CDH13: variants seen among roughly 807,000 people sequenced by gnomAD.
The protein encoded by CDH13 is cadherin-13.
In CDH13, 24 loss-of-function variants were observed where a neutral mutation model predicts 63.8. That is an observed-to-expected ratio of 0.38 (90% confidence interval 0.27 to 0.53). The LOEUF is 0.53. Among genes scored for constraint, CDH13 ranks in the 20% least tolerant of loss-of-function variants. The pLI is 0.85. For synonymous variants in CDH13, 503 were observed against 355.3 expected, an observed-to-expected ratio of 1.42 and a Z score of -4.67; for missense variants, 1,049 against 903.1, an observed-to-expected ratio of 1.16 and a Z score of -2.07.
chr16:82,757,012 T>A (rs2077951104), intron 1 of CDH13, among the ~76,000 whole-genome samples: 1 of 152,194 alleles, frequency 6.6e-6, no homozygotes, highest in South Asian at 2.1e-4. Context: ...TTTTCCTCTT[T>A]CTTTGCCTGG....
chr16:83,166,737 T>G (rs950335737), intron 4 of CDH13, among the ~76,000 whole-genome samples: 1 of 152,192 alleles, frequency 6.6e-6, no homozygotes, highest in African/African-American at 2.4e-5. Flanking sequence ...TTTGTGTTGA[T>G]AAAATACTAT....
At chr16:83,398,955 C>G (rs577633629) in intron 6 of CDH13, among the ~76,000 whole-genome samples, 1 of 152,198 alleles carries the variant, frequency 6.6e-6, no homozygotes, top group African/African-American at 2.4e-5. Flanking sequence ...TCTTTATGTT[C>G]AGTCCATAAT....
chr16:83,368,675 A>C (rs1319110185), intron 6 of CDH13, among the ~76,000 whole-genome samples: 1 of 150,380 alleles, frequency 6.6e-6, no homozygotes, highest in Non-Finnish European at 1.5e-5. Context: ...GCCATGCCCA[A>C]CCCTTTCCCC....
At chr16:83,449,804 C>T (rs916089895) in intron 6 of CDH13, among the ~76,000 whole-genome samples, 20 of 152,160 alleles carry the variant, frequency 1.3e-4, no homozygotes, top group Admixed American at 3.3e-4. Context: ...AACGCTGGGA[C>T]GTACTCTGCT....
At chr16:83,411,887 C>T (rs765317395) in intron 6 of CDH13, among the ~76,000 whole-genome samples, 7 of 152,144 alleles carry the variant, frequency 4.6e-5, no homozygotes, top group Non-Finnish European at 1.0e-4. Context: ...TAGTAACATC[C>T]CACATTACAG....
intron 7 of CDH13, among the ~76,000 whole-genome samples, chr16:83,487,018 G>T (rs1487381229): frequency 6.6e-6 from 1 of 152,106 alleles, no homozygotes; most frequent in East Asian, 1.9e-4. Flanking sequence ...AGGAGAGGTG[G>T]CTTCATCCAA....
intron 3 of CDH13, among the ~76,000 whole-genome samples, chr16:83,098,059 T>C (rs2034292907): frequency 1.3e-5 from 2 of 152,142 alleles, no homozygotes; most frequent in Admixed American, 6.5e-5. Flanking sequence ...ACTATTGGGA[T>C]GGTCCAGATA....
intron 2 of CDH13, among the ~76,000 whole-genome samples, chr16:82,863,919 T>G (rs1465863849): frequency 6.6e-6 from 1 of 152,224 alleles, no homozygotes; most frequent in Non-Finnish European, 1.5e-5. Context: ...TGGTATGAAT[T>G]TTTTAAAAGT....
At chr16:83,498,911 A>G (rs1456425741) in intron 7 of CDH13, among the ~76,000 whole-genome samples, 2 of 152,188 alleles carry the variant, frequency 1.3e-5, no homozygotes, top group Non-Finnish European at 2.9e-5. Flanking sequence ...GCTCGGTTTT[A>G]GGAGGCTATG....
chr16:83,149,543 T>C (rs967223551), intron 4 of CDH13, among the ~76,000 whole-genome samples: 3 of 152,210 alleles, frequency 2.0e-5, no homozygotes, highest in African/African-American at 7.2e-5. Flanking sequence ...GCTAGGTACG[T>C]ATTAGGTAGG....
At chr16:82,793,582 G>A (rs2036425083) in intron 1 of CDH13, among the ~76,000 whole-genome samples, 1 of 152,110 alleles carries the variant, frequency 6.6e-6, no homozygotes, top group South Asian at 2.1e-4. Flanking sequence ...GTGAACCCCT[G>A]CTGGGCCGCA....
At chr16:83,182,428 C>T (rs940611343) in intron 4 of CDH13, among the ~76,000 whole-genome samples, 5 of 152,286 alleles carry the variant, frequency 3.3e-5, no homozygotes, top group African/African-American at 1.2e-4. Context: ...GAAAATAATT[C>T]ATCTTTTGAA....
intron 5 of CDH13, among the ~76,000 whole-genome samples, chr16:83,254,953 T>C (rs1016991569): frequency 5.2e-4 from 1 of 1,932 alleles, no homozygotes; most frequent in African/African-American, 6.1e-4. Context: ...CTTTTTCTCT[T>C]TCTTTCTTTC....
At chr16:82,943,684 G>C (rs936456942) in intron 2 of CDH13, among the ~76,000 whole-genome samples, 2 of 152,174 alleles carry the variant, frequency 1.3e-5, no homozygotes, top group African/African-American at 2.4e-5. Flanking sequence ...ACACTTTGGA[G>C]AACAAAGAAA....
At chr16:83,049,996 T>A (rs949152444) in intron 3 of CDH13, among the ~76,000 whole-genome samples, 2 of 152,194 alleles carry the variant, frequency 1.3e-5, no homozygotes, top group African/African-American at 4.8e-5. Context: ...ATAATAATGC[T>A]ACAAAAACGT....
rs545970962 is a variant in CDH13 at position 83,327,402 on chromosome 16, A to T, written c.637-17460A>T. Among the ~76,000 whole-genome samples, 29 of 152,360 alleles carry T rather than the reference A, an allele frequency of 1.9e-4. 1 individual carries two copies. In the South Asian group the frequency reaches 6.0e-3, roughly 32 times the overall value. On this transcript the variant is annotated intron_variant, in intron 5 of 13. Coordinates refer to ENST00000567109, the MANE Select transcript of CDH13 (RefSeq NM_001257.5). ...CACCTTCAGGGAATTCTCAAAAGAC[A>T]AGCGTCATTTCTTTTTGTCTATTGA...
chr16:83,024,870 G>A (rs979832325), intron 2 of CDH13, among the ~76,000 whole-genome samples: 4 of 152,126 alleles, frequency 2.6e-5, no homozygotes, highest in Non-Finnish European at 2.9e-5. Flanking sequence ...CATGAAGTAC[G>A]TAGGGCTTCA....
chr16:83,288,416 C>G (rs913592460), intron 5 of CDH13, among the ~76,000 whole-genome samples: 3 of 152,166 alleles, frequency 2.0e-5, no homozygotes, highest in African/African-American at 7.2e-5. Context: ...GGCATAAAGC[C>G]TATTGCTTGG....
chr16:82,871,165 G>A (rs1305036175), intron 2 of CDH13, among the ~76,000 whole-genome samples: 1 of 152,220 alleles, frequency 6.6e-6, no homozygotes, highest in African/African-American at 2.4e-5. Flanking sequence ...AGGGGTGAGA[G>A]GACATGGGCT....
Sources: gnomAD v4.1 joint callset for allele counts (sites outside exome capture counted in the v4.1 genomes callset) on GRCh38, gnomAD v4.1.1 for gene constraint, MANE v1.5 for transcripts, NCBI Gene and HGNC (gene_info 2026-07-23, HGNC 2026-07-21) for gene names.